TRPV3: variants seen among roughly 807,000 people sequenced by gnomAD.
TRPV3 encodes transient receptor potential cation channel subfamily V member 3.
TRPV3 carries 88 observed loss-of-function variants against 87.1 expected under a neutral mutation model. That is an observed-to-expected ratio of 1.01 (90% confidence interval 0.85 to 1.21). The LOEUF is 1.21. TRPV3 is among the 50% of genes most tolerant of loss of function. TRPV3 has a pLI of 0.00. For synonymous variants in TRPV3, 438 were observed against 423.3 expected (o/e 1.03, Z -0.43); for missense variants, 1,054 against 1,030.1 (o/e 1.02, Z -0.32).
chr17:3,523,786 T>C (rs1262161110), intron 13 of TRPV3, among the ~76,000 whole-genome samples: 1 of 151,692 alleles, frequency 6.6e-6, no homozygotes, highest in Non-Finnish European at 1.5e-5. Flanking sequence ...TACAATAAAC[T>C]GCATGGTATA....
chr17:3,533,656 G>A (rs1005307116), intron 7 of TRPV3, among the ~76,000 whole-genome samples: 6 of 151,904 alleles, frequency 3.9e-5, no homozygotes, highest in Admixed American at 2.0e-4. Context: ...CCGCCACCAC[G>A]CCCGGCTAAT....
At chr17:3,514,957 A>T (rs1261745312) in intron 16 of TRPV3, among the ~76,000 whole-genome samples, 2 of 152,084 alleles carry the variant, frequency 1.3e-5, no homozygotes, top group Non-Finnish European at 2.9e-5. Context: ...ACTTCAGACA[A>T]CAGCTGCTGT....
intron 12 of TRPV3, among the ~76,000 whole-genome samples, chr17:3,526,129 A>T (rs1340765978): frequency 1.3e-5 from 2 of 152,146 alleles, no homozygotes; most frequent in Non-Finnish European, 2.9e-5. Context: ...CTAATTCATC[A>T]ACTGCATTTT....
rs767610335 is a variant in TRPV3 at position 3,513,878 on chromosome 17, C to T, written c.*39G>A. On this transcript the variant is annotated 3_prime_UTR_variant, in exon 18 of 18. Coordinates refer to ENST00000576742, the MANE Select transcript of TRPV3 (RefSeq NM_145068.4). ...AGAGTCGGTGACTCCGCCTGCAGCGCCAGACAGCGCACGCGCACACCAGCT... is the reference window on the plus strand; with the variant it reads ...AGAGTCGGTGACTCCGCCTGCAGCGTCAGACAGCGCACGCGCACACCAGCT... The T allele has an allele frequency of 6.4e-7, 1 of 1,559,552 alleles. No homozygotes were observed. The highest frequency in any genetic ancestry group is 1.4e-5 in the African/African-American group (1 of 73,422).
rs185539903 is a variant in TRPV3 at position 3,551,145 on chromosome 17, T to G, written c.119+3587A>C. ...GAAAAGCCCCGAAGGCAGAACAGCATGAGAAAGCCTCAGGAGAAGGGGAGG... is the reference window on the plus strand; with the variant it reads ...GAAAAGCCCCGAAGGCAGAACAGCAGGAGAAAGCCTCAGGAGAAGGGGAGG... On this transcript the variant is annotated intron_variant, in intron 2 of 17. Transcript: ENST00000576742. 3.4e-3 allele frequency among the ~76,000 whole-genome samples: 515 copies of G among 152,258 alleles called. 2 individuals are homozygous for G. Among genetic ancestry groups the G allele is most frequent in the Middle Eastern group, 0.014 (4 of 294 alleles).
In TRPV3 at chr17:3,528,998, A is replaced by C; in HGVS notation, c.1243-3T>G. ...AGGGTCAGCATCTCATGCCGGTTCT[A>C]GGGGTAGAATGCCACCAGTCACCAT... On this transcript the variant is annotated splice_polypyrimidine_tract_variant and splice_region_variant and intron_variant, in intron 9 of 17. Transcript: ENST00000576742. The surrounding 1 kb of genome is among the most constrained non-coding windows in gnomAD (Gnocchi z 4.2). 6.2e-7 allele frequency: 1 copy of C among 1,614,130 alleles called. No homozygotes were observed. The highest frequency in any genetic ancestry group is 8.5e-7 in the Non-Finnish European group (1 of 1,180,010).
intron 11 of TRPV3, among the ~76,000 whole-genome samples, chr17:3,527,288 G>A (rs2074308453): frequency 6.6e-6 from 1 of 152,080 alleles, no homozygotes; most frequent in South Asian, 2.1e-4. Flanking sequence ...TAATGACCTT[G>A]TCCTCATCGT....
At chr17:3,550,611 G>A (rs1310849599) in intron 2 of TRPV3, among the ~76,000 whole-genome samples, 1 of 138,946 alleles carries the variant, frequency 7.2e-6, no homozygotes, top group Non-Finnish European at 1.5e-5. Context: ...TGCAAGCTCT[G>A]CCTCCCGGGT....
intron 2 of TRPV3, among the ~76,000 whole-genome samples, chr17:3,547,711 G>A (rs755066329): frequency 3.9e-5 from 6 of 152,154 alleles, no homozygotes; most frequent in East Asian, 1.9e-4. Context: ...CATCTCAGGC[G>A]GTGGAGGGGG....
rs1406486296 is a variant in TRPV3 at position 3,513,621 on chromosome 17, TA to T, written c.*295del. On this transcript the variant is annotated 3_prime_UTR_variant, in exon 18 of 18. Coordinates refer to ENST00000576742, the MANE Select transcript of TRPV3 (RefSeq NM_145068.4). The stretch of plus-strand genomic sequence containing the variant: ...CCCAGCCAAGCCGACCTGCAATTGG[TA>T]AAACCAGAGGCTTCACCCGGGACTT... 3.2e-6 allele frequency: 1 copy of T among 308,594 alleles called. No homozygotes were observed. Among genetic ancestry groups the T allele is most frequent in the East Asian group, 5.5e-5 (1 of 18,114 alleles). 19.1% of individuals were successfully genotyped at this position (308,594 alleles called of 1,614,324 possible).
At chr17:3,523,564 C>T (rs9905037) in intron 13 of TRPV3, among the ~76,000 whole-genome samples, 1 of 151,856 alleles carries the variant, frequency 6.6e-6, no homozygotes, top group East Asian at 1.9e-4. Context: ...ACTAAAAATA[C>T]AAAAATTAGC....
chr17:3,554,040 T>C (rs2074604132), intron 2 of TRPV3: 1 of 152,496 alleles, frequency 6.6e-6, no homozygotes, highest in South Asian at 2.1e-4. Flanking sequence ...GTCCTTTCTC[T>C]GCTCCAGGTC....
At chr17:3,547,748 G>A (rs1227134366) in intron 2 of TRPV3, among the ~76,000 whole-genome samples, 1 of 152,184 alleles carries the variant, frequency 6.6e-6, no homozygotes, top group Non-Finnish European at 1.5e-5. Flanking sequence ...GCAGGGCAAG[G>A]GCAGCTTTCT....
rs1229179212 is a variant in TRPV3 at position 3,512,395 on chromosome 17, T to C, written c.*1522A>G. 2 of 152,230 alleles carry C rather than the reference T, an allele frequency of 1.3e-5. No individual in the cohort carries two copies. Among genetic ancestry groups the C allele is most frequent in the Non-Finnish European group, 2.9e-5 (2 of 68,054 alleles). 9.4% of individuals were successfully genotyped at this position (152,230 alleles called of 1,614,324 possible). A position where few individuals can be genotyped will look rare whatever the true frequency, so the allele number is the denominator to read the frequency against. On this transcript the variant is annotated 3_prime_UTR_variant, in exon 18 of 18. Coordinates refer to ENST00000576742, the MANE Select transcript of TRPV3 (RefSeq NM_145068.4). The stretch of plus-strand genomic sequence containing the variant: ...ACAAAGTCTCTATCTGTCCAGCTAG[T>C]CTGGCACACAGAGTGGCCCAGGGCA...
In TRPV3 at chr17:3,530,111, T is replaced by C; in HGVS notation, c.1158A>G (p.Ser386=). 6.2e-7 allele frequency: 1 copy of C among 1,614,150 alleles called. No homozygotes were observed. Among genetic ancestry groups the C allele is most frequent in the Non-Finnish European group, 8.5e-7 (1 of 1,180,008 alleles). ...KFTDWAYGPV[S]SSLYDLTNVD... ...CGTTGGTGAGGTCGTAGAGGGAGGA[T>C]GACACGGGTCCGTACGCCCAGTCGG... The change falls in exon 9 of 18, where the codon TCA becomes TCG. Residue 386 remains serine (S), a synonymous_variant. Coordinates refer to ENST00000576742, the MANE Select transcript of TRPV3 (RefSeq NM_145068.4). The surrounding 1 kb of genome is among the most constrained non-coding windows in gnomAD (Gnocchi z 4.0).
rs867675359 is a variant in TRPV3, at chr17:3,538,593, T to A, written c.644-2880A>T. 3.8e-3 allele frequency among the ~76,000 whole-genome samples: 325 copies of A among 86,352 alleles called. 1 individual carries two copies. Among genetic ancestry groups the A allele is most frequent in the South Asian group, 0.023 (62 of 2,710 alleles). 56.7% of individuals were successfully genotyped at this position (86,352 alleles called of 152,430 possible). A position where few individuals can be genotyped will look rare whatever the true frequency, so the allele number is the denominator to read the frequency against. On this transcript the variant is annotated intron_variant, in intron 6 of 17. Coordinates refer to ENST00000576742, the MANE Select transcript of TRPV3 (RefSeq NM_145068.4). Reference sequence around the variant, plus strand: ...TTATTTTATTTATTTAAAAAAAAATTTTTTTTTTTGAGATGGAGTCTCCCT... The same window carrying A: ...TTATTTTATTTATTTAAAAAAAAATATTTTTTTTTGAGATGGAGTCTCCCT...
chr17:3,549,841 G>A (rs903826131), intron 2 of TRPV3, among the ~76,000 whole-genome samples: 6 of 151,758 alleles, frequency 4.0e-5, no homozygotes, highest in South Asian at 2.1e-4. Context: ...ATGAATAGAT[G>A]ATTGATGGGT....
At chr17:3,538,886 C>G (rs1023713201) in intron 6 of TRPV3, among the ~76,000 whole-genome samples, 1 of 152,122 alleles carries the variant, frequency 6.6e-6, no homozygotes, top group African/African-American at 2.4e-5. Context: ...CGCCTGGCCA[C>G]TATTATAACT....
intron 6 of TRPV3, chr17:3,539,556 G>A (rs534540220): frequency 6.6e-6 from 1 of 152,148 alleles, no homozygotes; most frequent in Non-Finnish European, 1.5e-5. Context: ...GGAGGCTGAG[G>A]TGGGAAAATT....
Sources: allele counts gnomAD v4.1 joint callset (sites outside exome capture counted in the v4.1 genomes callset), GRCh38; gene constraint gnomAD v4.1.1; non-coding constraint Gnocchi (gnomAD v3.1); transcripts MANE v1.5; gene names NCBI Gene and HGNC (gene_info 2026-07-23, HGNC 2026-07-21).